The following ATP2C2 variants were observed in gnomAD, a reference collection of about 807,000 sequenced individuals.
ATP2C2 encodes the protein calcium-transporting ATPase type 2C member 2.
Under a neutral mutation model 110.8 loss-of-function variants are expected in ATP2C2, and 171 were observed. The observed-to-expected ratio is 1.54, with a 90% confidence interval of 1.36 to 1.75. ATP2C2 has a LOEUF of 1.75. Among genes scored for constraint, ATP2C2 ranks in the 40% most tolerant of loss-of-function variants. The pLI is 0.00. For synonymous variants in ATP2C2, 804 were observed against 508.4 expected (o/e 1.58, Z -7.82); for missense variants, 1,963 against 1,235.0 (o/e 1.59, Z -8.84).
chr16:84,400,618 C>T (rs951792641), intron 2 of ATP2C2, among the ~76,000 whole-genome samples: 46 of 152,258 alleles, frequency 3.0e-4, no homozygotes, highest in Middle Eastern at 3.4e-3. Flanking sequence ...TGAGCCACCG[C>T]GCCCAGCGTA....
chr16:84,408,285 G>A (rs1905955316), intron 3 of ATP2C2, 120 bp from the exon 4 acceptor site: 4 of 925,126 alleles, frequency 4.3e-6, no homozygotes, highest in African/African-American at 3.2e-5. Context: ...TCACCATGGT[G>A]TTGACCTGGA....
At chr16:84,446,294 T>G in intron 15 of ATP2C2, 35 bp from the exon 16 acceptor site, 1 of 1,338,444 alleles carries the variant, frequency 7.5e-7, no homozygotes, top group Non-Finnish European at 1.0e-6. Flanking sequence ...TGGCTTCGGA[T>G]GACTCACTAA....
chr16:84,400,352 A>G (rs1164923893), intron 2 of ATP2C2, among the ~76,000 whole-genome samples: 2 of 137,366 alleles, frequency 1.5e-5, no homozygotes, highest in East Asian at 2.1e-4. Context: ...TTTGAGATGG[A>G]GTCTCACTCT....
chr16:84,409,172 C>T lies in ATP2C2; in HGVS notation c.417+678C>T, dbSNP rs890074546. ...CAGGGACATGGATGAAGCTGGAAAC[C>T]ATCATTCTAAGCAAACTATCACAAG... On this transcript the variant is annotated intron_variant, in intron 4 of 26. Transcript: ENST00000262429. Among the ~76,000 whole-genome samples, 3 of 152,110 alleles carry T rather than the reference C, an allele frequency of 2.0e-5. No individual in the cohort carries two copies. The East Asian group carries it at 5.8e-4, about 29-fold the overall frequency.
rs775774214 is a variant in ATP2C2 at position 84,454,852 on chromosome 16, C to T, written c.2015C>T (p.Thr672Ile). 5.0e-6 allele frequency: 8 copies of T among 1,612,684 alleles called. No homozygotes were observed. Among genetic ancestry groups the T allele is most frequent in the East Asian group, 2.2e-5 (1 of 44,808 alleles). The stretch of plus-strand genomic sequence containing the variant: ...GAGTCAGGGGCGATCGTGGCCATGA[C>T]TGGGGATGGGGTGAACGACGCAGTG... The part of the protein sequence containing the change: ...LQESGAIVAM[T>I]GDGVNDAVAL... Residue 672 changes from threonine to isoleucine, a missense_variant, in exon 21 of 27, where the codon ACT (threonine) becomes ATT (isoleucine). Physicochemically the swap from Thr to Ile is moderately conservative, Grantham distance 89. Coordinates refer to ENST00000262429, the MANE Select transcript of ATP2C2 (RefSeq NM_014861.4).
At chr16:84,394,293 G>T (rs546127739) in intron 1 of ATP2C2, among the ~76,000 whole-genome samples, 1 of 152,056 alleles carries the variant, frequency 6.6e-6, no homozygotes, top group African/African-American at 2.4e-5. Flanking sequence ...AATGTCGTGT[G>T]ACCACCACTT....
At chr16:84,404,232 T>G (rs1289415532) in intron 2 of ATP2C2, among the ~76,000 whole-genome samples, 3 of 152,204 alleles carry the variant, frequency 2.0e-5, no homozygotes, top group Non-Finnish European at 4.4e-5. Context: ...GGTGGGACCC[T>G]CTCATGGGAG....
intron 4 of ATP2C2, among the ~76,000 whole-genome samples, 173 bp from the exon 5 acceptor site, chr16:84,410,395 G>A (rs544955526): frequency 6.6e-6 from 1 of 152,154 alleles, no homozygotes; most frequent in Non-Finnish European, 1.5e-5. Flanking sequence ...AAAAGATAGT[G>A]TCAATTTTTT....
intron 3 of ATP2C2, 67 bp downstream of exon 3, chr16:84,405,311 ATCTT>A: frequency 3.6e-6 from 5 of 1,369,936 alleles, no homozygotes; most frequent in Non-Finnish European, 4.1e-6. Context: ...CAGCCATTCC[ATCTT>A]TCAATGTTGA....
At chr16:84,403,462 C>A (rs1033683389) in intron 2 of ATP2C2, among the ~76,000 whole-genome samples, 2 of 152,058 alleles carry the variant, frequency 1.3e-5, no homozygotes, top group Admixed American at 6.6e-5. Context: ...TCTGCCACCA[C>A]AATGGGCTAA....
chr16:84,429,815 G>C (rs1310974823), intron 11 of ATP2C2, among the ~76,000 whole-genome samples: 1 of 152,128 alleles, frequency 6.6e-6, no homozygotes, highest in Non-Finnish European at 1.5e-5. Context: ...AGGCTGCAGG[G>C]CTGGAAACAG....
Position 84,398,588 on chromosome 16 carries a change from G to T in ATP2C2, c.189G>T (p.Glu63Asp). The T allele has an allele frequency of 1.9e-6, 3 of 1,612,272 alleles. No homozygotes were observed. Residue 63 changes from glutamate to aspartate, a missense_variant, in exon 2 of 27, where the codon GAG becomes GAT. Glu to Asp is a conservative substitution (Grantham distance 45). Coordinates refer to ENST00000262429, the MANE Select transcript of ATP2C2 (RefSeq NM_014861.4). ...PPKEACKCQK[E>D]DLARAFCVDL... ...AGGAAGCGTGCAAATGCCAGAAAGA[G>T]GATTTGGCCAGAGCGTTTTGTGTAA...
intron 2 of ATP2C2, among the ~76,000 whole-genome samples, chr16:84,399,852 G>A (rs79226103): frequency 6.6e-6 from 1 of 152,034 alleles, no homozygotes; most frequent in Non-Finnish European, 1.5e-5. Flanking sequence ...GCAAATACTA[G>A]GTCTTATTTA....
chr16:84,406,613 T>C lies in ATP2C2; in HGVS notation c.327+1369T>C, dbSNP rs145879190. On this transcript the variant is annotated intron_variant, in intron 3 of 26. Transcript: ENST00000262429. The stretch of plus-strand genomic sequence containing the variant: ...AGTTCTCAGTGTTCTGGGAATGTTA[T>C]TCATCGATGCGTTTTGGCAGCAAAA... 1.6e-4 allele frequency: 158 copies of C among 985,640 alleles called. No homozygotes were observed. The African/African-American group carries it at 2.5e-3, about 16-fold the overall frequency. 61.1% of individuals were successfully genotyped at this position (985,640 alleles called of 1,614,324 possible). A position where few individuals can be genotyped will look rare whatever the true frequency, so the allele number is the denominator to read the frequency against.
chr16:84,382,554 C>A (rs1445740785), intron 1 of ATP2C2, among the ~76,000 whole-genome samples: 1 of 152,152 alleles, frequency 6.6e-6, no homozygotes, highest in African/African-American at 2.4e-5. Flanking sequence ...CTGATCTGTT[C>A]AGCTCAACAC....
intron 1 of ATP2C2, among the ~76,000 whole-genome samples, chr16:84,379,931 G>C (rs67181813): frequency 0.069 from 10,520 of 152,132 alleles, 517 homozygotes; most frequent in Non-Finnish European, 0.11. Flanking sequence ...GGGTGGGAAT[G>C]CTACTGTTAA....
At chr16:84,400,454 G>C (rs572647900) in intron 2 of ATP2C2, among the ~76,000 whole-genome samples, 5 of 152,038 alleles carry the variant, frequency 3.3e-5, no homozygotes, top group African/African-American at 1.2e-4. Context: ...AGCCTCCTGA[G>C]TAGCTGGGAC....
In ATP2C2 at chr16:84,428,993, T is replaced by A. The variant is rs562711838; in HGVS notation, c.986+3192T>A. On this transcript the variant is annotated intron_variant, in intron 11 of 26. Transcript: ENST00000262429. Reference sequence around the variant, plus strand: ...TGAATATATGCCCAGGTTCTCGGTTTGTTTTACTAATGGCCCTGCGAAAGG... The same window carrying A: ...TGAATATATGCCCAGGTTCTCGGTTAGTTTTACTAATGGCCCTGCGAAAGG... 5.9e-5 allele frequency among the ~76,000 whole-genome samples: 9 copies of A among 152,294 alleles called. No individual in the cohort carries two copies. In the South Asian group the frequency reaches 1.9e-3, roughly 32 times the overall value.
chr16:84,443,506 G>A (rs778460318), intron 15 of ATP2C2, among the ~76,000 whole-genome samples: 2 of 152,162 alleles, frequency 1.3e-5, no homozygotes, highest in Non-Finnish European at 1.5e-5. Context: ...CCTCGCTGCC[G>A]CCGAGCCTGG....
Sources: allele counts gnomAD v4.1 joint callset (sites outside exome capture counted in the v4.1 genomes callset), GRCh38; gene constraint gnomAD v4.1.1; transcripts MANE v1.5; gene names NCBI Gene and HGNC (gene_info 2026-07-23, HGNC 2026-07-21).